Variants in NFKB1 observed in about 807,000 individuals in gnomAD.
NFKB1 encodes the protein nuclear factor NF-kappa-B p105 subunit.
A neutral mutation model predicts 105.1 loss-of-function variants in NFKB1; 9 were observed. The ratio of observed to expected loss-of-function variants is 0.09; its 90% confidence interval spans 0.05 to 0.15. NFKB1 has a LOEUF of 0.15. Ranked by LOEUF, NFKB1 falls within the 10% of genes least tolerant of loss-of-function variation. The pLI, the probability that NFKB1 is intolerant of heterozygous loss-of-function variation, is 1.00. For synonymous variants in NFKB1, 440 were observed against 442.2 expected, an observed-to-expected ratio of 1.00 and a Z score of 0.06; for missense variants, 830 against 1,203.7, an observed-to-expected ratio of 0.69 and a Z score of 4.59.
chr4:102,586,048 G>A (rs1038522132), intron 11 of NFKB1, among the ~76,000 whole-genome samples: 1 of 152,168 alleles, frequency 6.6e-6, no homozygotes, highest in African/African-American at 2.4e-5. Flanking sequence ...TTGGAATGAT[G>A]GCTCTGACTT....
chr4:102,609,377 C>G (rs951447544), intron 19 of NFKB1, among the ~76,000 whole-genome samples: 1 of 151,878 alleles, frequency 6.6e-6, no homozygotes, highest in African/African-American at 2.4e-5. Flanking sequence ...TTTGGGAGGC[C>G]AGGGTGGGTG....
At chr4:102,563,863 C>T (rs1279904350) in intron 5 of NFKB1, among the ~76,000 whole-genome samples, 4 of 150,582 alleles carry the variant, frequency 2.7e-5, no homozygotes, top group Admixed American at 2.7e-4. Flanking sequence ...CTCTGTCACC[C>T]AGGCTGGAGG....
intron 11 of NFKB1, among the ~76,000 whole-genome samples, chr4:102,586,509 G>A (rs1036240774): frequency 2.6e-5 from 4 of 152,138 alleles, no homozygotes; most frequent in Non-Finnish European, 5.9e-5. Context: ...ATCTCAAAAC[G>A]AGATATAACA....
intron 12 of NFKB1, among the ~76,000 whole-genome samples, chr4:102,594,489 T>G (rs950081152): frequency 1.3e-5 from 2 of 152,312 alleles, no homozygotes; most frequent in Non-Finnish European, 1.5e-5. Context: ...GTGGCCATTT[T>G]TCCATTGAGG....
At chr4:102,515,107 ATT>A (rs34257045) in intron 1 of NFKB1, among the ~76,000 whole-genome samples, 105 of 95,638 alleles carry the variant, frequency 1.1e-3, no homozygotes, top group African/African-American at 3.6e-3. Flanking sequence ...TATTATTATT[ATT>A]TTTTTTTTTT....
chr4:102,586,175 G>T (rs189059037), intron 11 of NFKB1, among the ~76,000 whole-genome samples: 1 of 152,180 alleles, frequency 6.6e-6, no homozygotes, highest in East Asian at 1.9e-4. Context: ...AGGAATGAAA[G>T]GAGATGGTGG....
chr4:102,599,118 G>A (rs996491331), intron 15 of NFKB1, among the ~76,000 whole-genome samples: 2 of 152,138 alleles, frequency 1.3e-5, no homozygotes, highest in African/African-American at 2.4e-5. Context: ...TTCCCATAAG[G>A]GTGTGAGGAT....
In NFKB1 at chr4:102,613,435, G is replaced by A. The variant is rs1728626972; in HGVS notation, c.2603G>A (p.Gly868Asp). The part of the protein sequence containing the change: ...TLMDNYEVSG[G>D]TVRELVEALR... ...CTTTCTTTCTCACAGGTCTCTGGGG[G>A]TACAGTCAGAGAGCTGGTGGAGGCC... The change falls in exon 23 of 24, where the codon GGT (glycine) becomes GAT (aspartate). Residue 868 changes from glycine (G) to aspartate (D), a missense_variant. Around this residue, in one of 8 missense-constraint regions of NFKB1, gnomAD observed 418 missense variants for 575.3 expected, o/e 0.73. Transcript: ENST00000226574. 1 of 1,613,830 alleles carries A rather than the reference G, an allele frequency of 6.2e-7. No individual in the cohort carries two copies. Among genetic ancestry groups the A allele is most frequent in the Non-Finnish European group, 8.5e-7 (1 of 1,179,918 alleles).
At chr4:102,590,327 A>G (rs1726067744) in intron 11 of NFKB1, among the ~76,000 whole-genome samples, 1 of 152,234 alleles carries the variant, frequency 6.6e-6, no homozygotes, top group African/African-American at 2.4e-5. Flanking sequence ...GGTGCTCCGC[A>G]GTGTTGTCCC....
At chr4:102,511,422 C>T (rs928596480) in intron 1 of NFKB1, among the ~76,000 whole-genome samples, 2 of 152,162 alleles carry the variant, frequency 1.3e-5, no homozygotes, top group East Asian at 3.8e-4. Flanking sequence ...TATCTGTAAT[C>T]CCAGTACTTC....
chr4:102,605,121 G>A (rs1727589824), intron 16 of NFKB1, among the ~76,000 whole-genome samples: 1 of 151,886 alleles, frequency 6.6e-6, no homozygotes, highest in Non-Finnish European at 1.5e-5. Flanking sequence ...ATCTCCCCAA[G>A]TAGCATTTCA....
chr4:102,508,254 G>A (rs771582376), intron 1 of NFKB1, among the ~76,000 whole-genome samples: 3 of 152,106 alleles, frequency 2.0e-5, no homozygotes, highest in Non-Finnish European at 4.4e-5. Flanking sequence ...GAGGCCAGAG[G>A]AGAATACCTT....
At chr4:102,580,502 T>A (rs762271222) in intron 8 of NFKB1, 33 bp from the exon 9 acceptor site, 1 of 1,577,686 alleles carries the variant, frequency 6.3e-7, no homozygotes, top group Admixed American at 1.7e-5. Context: ...TGAGGATTAA[T>A]CATGTTATTT....
At chr4:102,532,273 T>C (rs552718808) in intron 3 of NFKB1, among the ~76,000 whole-genome samples, 1 of 152,284 alleles carries the variant, frequency 6.6e-6, no homozygotes, top group African/African-American at 2.4e-5. Context: ...GAAGTAATTA[T>C]ACCCTTGTTT....
intron 23 of NFKB1, among the ~76,000 whole-genome samples, chr4:102,613,974 C>T (rs772143510): frequency 3.9e-5 from 6 of 152,184 alleles, no homozygotes; most frequent in Non-Finnish European, 5.9e-5. Flanking sequence ...TATGGGACTA[C>T]GTGTCATGCC....
chr4:102,608,658 CTTT>C (rs11336046), intron 19 of NFKB1, among the ~76,000 whole-genome samples: 2 of 147,178 alleles, frequency 1.4e-5, no homozygotes, highest in African/African-American at 2.5e-5. Context: ...ACTTTAGAGG[CTTT>C]TTTTTTTTTT....
intron 19 of NFKB1, among the ~76,000 whole-genome samples, chr4:102,608,556 G>A (rs1443847844): frequency 6.6e-6 from 1 of 152,076 alleles, no homozygotes; most frequent in Non-Finnish European, 1.5e-5. Flanking sequence ...TATCCATGCT[G>A]ATCTTTGAAT....
intron 11 of NFKB1, among the ~76,000 whole-genome samples, chr4:102,588,934 A>G (rs966081221): frequency 6.6e-6 from 1 of 152,210 alleles, no homozygotes; most frequent in Non-Finnish European, 1.5e-5. Flanking sequence ...TTGATGTTTC[A>G]TAGTACATCC....
chr4:102,546,990 C>T (rs1354218177), intron 5 of NFKB1, among the ~76,000 whole-genome samples: 1 of 152,116 alleles, frequency 6.6e-6, no homozygotes, highest in Non-Finnish European at 1.5e-5. Flanking sequence ...TGGGGATACC[C>T]TCAGAGCCTT....
Sources: allele counts gnomAD v4.1 joint callset (sites outside exome capture counted in the v4.1 genomes callset), GRCh38; gene constraint gnomAD v4.1.1; regional missense constraint gnomAD v4.1.1; transcripts MANE v1.5; gene names NCBI Gene and HGNC (gene_info 2026-07-23, HGNC 2026-07-21).